The following CDK2AP1 variants were observed in gnomAD, a reference collection of about 807,000 sequenced individuals.
CDK2AP1 encodes cyclin dependent kinase 2 associated protein 1.
In CDK2AP1, 10 loss-of-function variants were observed where a neutral mutation model predicts 14.1. That is an observed-to-expected ratio of 0.71 (90% CI 0.44 to 1.20). The LOEUF (loss-of-function observed/expected upper bound fraction) is 1.20, where lower values mean the gene tolerates loss of function less well. CDK2AP1 is among the 50% of genes most tolerant of loss of function. The pLI is 0.00. For missense variants in CDK2AP1, 102 were observed against 149.9 expected, an observed-to-expected ratio of 0.68 and a Z score of 1.67; for synonymous variants, 59 against 59.8, an observed-to-expected ratio of 0.99 and a Z score of 0.06.
chr12:123,268,650 G>A (rs1282661046), intron 1 of CDK2AP1, among the ~76,000 whole-genome samples: 2 of 152,186 alleles, frequency 1.3e-5, no homozygotes, highest in Non-Finnish European at 2.9e-5. Context: ...GTGCCACTCC[G>A]AGCCTCAGTT....
At chr12:123,261,871 C>A in intron 3 of CDK2AP1, 68 bp from the exon 4 acceptor site, 2 of 1,058,398 alleles carry the variant, frequency 1.9e-6, no homozygotes, top group South Asian at 2.5e-5. Flanking sequence ...CATTCTGAAA[C>A]AGCAAGAGGA....
At chr12:123,268,677 G>C (rs985975982) in intron 1 of CDK2AP1, among the ~76,000 whole-genome samples, 2 of 152,226 alleles carry the variant, frequency 1.3e-5, no homozygotes, top group Middle Eastern at 3.2e-3. Context: ...CCTCCCACGT[G>C]GGGATGATGA....
chr12:123,270,230 T>C lies in CDK2AP1; in HGVS notation c.55+1334A>G, dbSNP rs1006973978. The C allele has an allele frequency of 1.2e-5, 12 of 983,388 alleles. No individual in the cohort carries two copies. The African/African-American group carries it at 2.1e-4, about 17-fold the overall frequency. 60.9% of individuals were successfully genotyped at this position (983,388 alleles called of 1,614,324 possible). ...CTGCGGACCCCAGAGGAGGTGAGAA[T>C]GTTTGAGAAAAAAACAGTGGCTGTT... On this transcript the variant is annotated intron_variant, in intron 1 of 3. Transcript: ENST00000261692.
chr12:123,266,993 C>T (rs550609111), intron 2 of CDK2AP1, among the ~76,000 whole-genome samples, 192 bp downstream of exon 2: 34 of 152,312 alleles, frequency 2.2e-4, no homozygotes, highest in African/African-American at 8.2e-4. Flanking sequence ...TCACACGTCC[C>T]CGCGAAGCAC....
At chr12:123,271,000 C>G (rs1174893681) in intron 1 of CDK2AP1, 1 of 981,764 alleles carries the variant, frequency 1.0e-6, no homozygotes, top group African/African-American at 1.8e-5. Context: ...TGGTCCCAGT[C>G]CCGGCGGCCC....
intron 3 of CDK2AP1, among the ~76,000 whole-genome samples, chr12:123,263,075 G>A (rs527535665): frequency 4.0e-5 from 6 of 151,772 alleles, no homozygotes; most frequent in South Asian, 2.1e-4. Context: ...TTAGATGGGC[G>A]TGGTGGTGGG....
chr12:123,271,163 C>G (rs1168249464), intron 1 of CDK2AP1: 7 of 313,866 alleles, frequency 2.2e-5, no homozygotes, highest in Non-Finnish European at 3.2e-5. Flanking sequence ...GGCGGGGCCC[C>G]GCGCCCCGCT....
At chr12:123,268,216 GTCTC>G (rs918574381) in intron 1 of CDK2AP1, 11 of 985,460 alleles carry the variant, frequency 1.1e-5, no homozygotes, top group African/African-American at 1.7e-5. Flanking sequence ...GAGCCACACG[GTCTC>G]TCTCTCACAC....
chr12:123,269,281 G>C (rs567308269), intron 1 of CDK2AP1: 2 of 152,408 alleles, frequency 1.3e-5, no homozygotes, highest in African/African-American at 4.8e-5. Flanking sequence ...ATGATACTGG[G>C]GTTAGGTTTT....
chr12:123,271,074 C>T (rs546734129), intron 1 of CDK2AP1: 492 of 914,902 alleles, frequency 5.4e-4, no homozygotes, highest in Non-Finnish European at 6.1e-4. Context: ...AGCCCTCCAT[C>T]CGCGCCCGCC....
chr12:123,264,758 C>T (rs1392288165), intron 3 of CDK2AP1, among the ~76,000 whole-genome samples: 2 of 152,112 alleles, frequency 1.3e-5, no homozygotes, highest in African/African-American at 4.8e-5. Context: ...AGCACAGACC[C>T]ACACACTTCC....
At position 123,264,462 on chromosome 12, in the gene CDK2AP1, C is replaced by CA. The variant is rs1167157405; in HGVS notation, c.280+733dup. Among the ~76,000 whole-genome samples, 331 of 69,836 alleles carry CA rather than the reference C, an allele frequency of 4.7e-3. 25 individuals carry two copies. Among genetic ancestry groups the CA allele is most frequent in the African/African-American group, 0.021 (287 of 13,880 alleles). The allele number at this position is 69,836 out of a possible 152,430, so 45.8% of individuals were successfully genotyped here. ...GCAACAAGAGTAAAACTCCGTCTCC[C>CA]AAAAAAAAAAAAAAAAAAAAAAAAA... is the stretch of plus-strand genomic sequence containing the variant. On this transcript the variant is annotated intron_variant, in intron 3 of 3. Transcript: ENST00000261692.
At chr12:123,262,749 A>G (rs891658687) in intron 3 of CDK2AP1, among the ~76,000 whole-genome samples, 7 of 152,026 alleles carry the variant, frequency 4.6e-5, no homozygotes, top group East Asian at 1.9e-4. Context: ...CTGTTTTATC[A>G]TTATTTGTAG....
chr12:123,268,104 G>A (rs916238023), intron 1 of CDK2AP1: 14 of 829,910 alleles, frequency 1.7e-5, no homozygotes, highest in Non-Finnish European at 2.0e-5. Context: ...TGGCGTCCCA[G>A]TGGCCATTAG....
Position 123,266,070 on chromosome 12 carries a change from C to G in CDK2AP1, c.154-748G>C, listed in dbSNP as rs867613539. Among the ~76,000 whole-genome samples, 36 of 152,216 alleles carry G rather than the reference C, an allele frequency of 2.4e-4. No homozygotes were observed. In the Middle Eastern group the frequency reaches 0.017, roughly 72 times the overall value. Reference sequence around the variant, plus strand: ...TGGGCTTCCGGCAAGCCCACAAGCCCGCAAGCCCACAAGCCCAGGCTACCT... The same window carrying G: ...TGGGCTTCCGGCAAGCCCACAAGCCGGCAAGCCCACAAGCCCAGGCTACCT... On this transcript the variant is annotated intron_variant, in intron 2 of 3. Coordinates refer to ENST00000261692, the MANE Select transcript of CDK2AP1 (RefSeq NM_004642.4).
chr12:123,271,680 C>T lies in CDK2AP1; in HGVS notation c.-62G>A. 3.1e-6 allele frequency: 2 copies of T among 647,660 alleles called. No individual in the cohort carries two copies. Among genetic ancestry groups the T allele is most frequent in the Non-Finnish European group, 1.9e-6 (1 of 524,662 alleles). The allele number at this position is 647,660 out of a possible 1,614,324, so 40.1% of individuals were successfully genotyped here. A position where few individuals can be genotyped will look rare whatever the true frequency, so the allele number is the denominator to read the frequency against. The stretch of plus-strand genomic sequence containing the variant: ...CAGGCCGCGAGGGCGGCGGCGGCGG[C>T]GGCGAGGCCGGGCGGTAGCGCTGCA... On this transcript the variant is annotated 5_prime_UTR_variant, in exon 1 of 4. Transcript: ENST00000261692.
At position 123,265,050 on chromosome 12, in the gene CDK2AP1, C is replaced by A. The variant is rs2048275793; in HGVS notation, c.280+146G>T. On this transcript the variant is annotated intron_variant, in intron 3 of 3. Coordinates refer to ENST00000261692, the MANE Select transcript of CDK2AP1 (RefSeq NM_004642.4). This position sits in a 1 kb window ranked among gnomAD's most constrained non-coding sequence, Gnocchi z 5.3. ...ACCCATCGCCTGCCTGAGGCCTCCA[C>A]CACAGACGGCAACTCTGTAACAAGA... is the stretch of plus-strand genomic sequence containing the variant. The A allele has an allele frequency of 1.5e-5, 18 of 1,174,238 alleles. No individual in the cohort carries two copies. In the South Asian group the frequency reaches 2.1e-4, roughly 14 times the overall value. The allele number at this position is 1,174,238 out of a possible 1,614,324, so 72.7% of individuals were successfully genotyped here.
chr12:123,266,555 G>C (rs1048307948), intron 2 of CDK2AP1, among the ~76,000 whole-genome samples: 2 of 152,272 alleles, frequency 1.3e-5, no homozygotes, highest in South Asian at 4.1e-4. Context: ...TGGAGATGTA[G>C]GGTGCAGCTG....
rs2048276010 is a variant in CDK2AP1 at position 123,265,067 on chromosome 12, G to T, written c.280+129C>A. 2.3e-6 allele frequency: 3 copies of T among 1,324,832 alleles called. No individual in the cohort carries two copies. The highest frequency in any genetic ancestry group is 2.3e-5 in the East Asian group (1 of 43,208). The allele number at this position is 1,324,832 out of a possible 1,614,324, so 82.1% of individuals were successfully genotyped here. A position where few individuals can be genotyped will look rare whatever the true frequency, so the allele number is the denominator to read the frequency against. On this transcript the variant is annotated intron_variant, in intron 3 of 3. Transcript: ENST00000261692. This position sits in a 1 kb window ranked among gnomAD's most constrained non-coding sequence, Gnocchi z 5.3. The stretch of plus-strand genomic sequence containing the variant: ...GGCCTCCACCACAGACGGCAACTCT[G>T]TAACAAGACAGGAGCTCCCATGAGT...
Sources: allele counts gnomAD v4.1 joint callset (sites outside exome capture counted in the v4.1 genomes callset), GRCh38; gene constraint gnomAD v4.1.1; non-coding constraint Gnocchi (gnomAD v3.1); transcripts MANE v1.5; gene names NCBI Gene and HGNC (gene_info 2026-07-23, HGNC 2026-07-21).